SNX13: variants seen among roughly 807,000 people sequenced by gnomAD.
SNX13 encodes sorting nexin 13, also known as sorting nexin-13.
Under a neutral mutation model 133.6 loss-of-function variants are expected in SNX13, and 45 were observed. The observed-to-expected ratio is 0.34, with a 90% CI of 0.27 to 0.43. The LOEUF (loss-of-function observed/expected upper bound fraction) is 0.43, where lower values mean the gene tolerates loss of function less well. Ranked by LOEUF, SNX13 falls within the 20% of genes least tolerant of loss-of-function variation. SNX13 has a pLI of 1.00. For missense variants in SNX13, 1,032 were observed against 1,145.1 expected, an observed-to-expected ratio of 0.90 and a Z score of 1.43; for synonymous variants, 414 against 373.9, an observed-to-expected ratio of 1.11 and a Z score of -1.24.
intron 1 of SNX13, among the ~76,000 whole-genome samples, chr7:17,906,453 A>C (rs144958862): frequency 1.3e-5 from 2 of 152,240 alleles, no homozygotes; most frequent in African/African-American, 4.8e-5. Flanking sequence ...CAATTTAAAA[A>C]AACCATTTGA....
chr7:17,816,930 T>C (rs1398633829), intron 18 of SNX13, among the ~76,000 whole-genome samples: 1 of 152,204 alleles, frequency 6.6e-6, no homozygotes, highest in Non-Finnish European at 1.5e-5. Context: ...TTTTAAAAAA[T>C]ATTTTCCTTA....
chr7:17,831,647 A>G (rs1788502494), intron 15 of SNX13: 1 of 984,196 alleles, frequency 1.0e-6, no homozygotes, highest in Admixed American at 6.2e-5. Context: ...ACTACTTTAA[A>G]AAAATCAGCT....
At chr7:17,825,988 T>C in intron 17 of SNX13, 34 bp downstream of exon 17, 1 of 1,373,542 alleles carries the variant, frequency 7.3e-7, no homozygotes, top group Non-Finnish European at 9.8e-7. Context: ...AATACATAGT[T>C]TTAATGCAAT....
chr7:17,867,400 A>G (rs908643676), intron 9 of SNX13, among the ~76,000 whole-genome samples: 1 of 152,160 alleles, frequency 6.6e-6, no homozygotes, highest in Non-Finnish European at 1.5e-5. Flanking sequence ...TGAGCTCAGG[A>G]GTTCATGACT....
intron 1 of SNX13, among the ~76,000 whole-genome samples, chr7:17,918,526 A>C (rs898239347): frequency 3.3e-5 from 5 of 152,180 alleles, no homozygotes; most frequent in African/African-American, 1.2e-4. Flanking sequence ...TAAAATGCTT[A>C]TGACTAATCA....
At chr7:17,878,873 C>T (rs560860731) in intron 5 of SNX13, among the ~76,000 whole-genome samples, 154 of 152,282 alleles carry the variant, frequency 1.0e-3, no homozygotes, top group Non-Finnish European at 1.9e-3. Flanking sequence ...CTTTTACTCT[C>T]AGTGCCTCTG....
intron 9 of SNX13, among the ~76,000 whole-genome samples, chr7:17,867,195 A>G (rs543792738): frequency 1.4e-4 from 22 of 152,310 alleles, no homozygotes; most frequent in African/African-American, 4.3e-4. Flanking sequence ...TCACAGAGGA[A>G]AAGAAGAATC....
intron 11 of SNX13, among the ~76,000 whole-genome samples, chr7:17,848,793 G>C (rs1020236588): frequency 1.1e-4 from 16 of 152,222 alleles, no homozygotes; most frequent in Non-Finnish European, 1.5e-4. Context: ...ACCACAAAGA[G>C]TTGAGAACAG....
intron 24 of SNX13, among the ~76,000 whole-genome samples, chr7:17,797,791 G>C (rs2128283581): frequency 6.6e-6 from 1 of 151,916 alleles, no homozygotes; most frequent in South Asian, 2.1e-4. Flanking sequence ...GAACATGCCA[G>C]GGCAGCTAGT....
chr7:17,795,813 C>T (rs1215479042), intron 25 of SNX13: 1 of 151,650 alleles, frequency 6.6e-6, no homozygotes, highest in African/African-American at 2.4e-5. Context: ...AAATAATATC[C>T]TAAGCAATTG....
In SNX13 at chr7:17,832,071, A is replaced by G. The variant is rs147245107; in HGVS notation, c.1597+1981T>C. On this transcript the variant is annotated intron_variant, in intron 15 of 25. Coordinates refer to ENST00000428135, the MANE Select transcript of SNX13 (RefSeq NM_015132.5). ...ATGTCCTAGAAAGACAATAAGATAC[A>G]TAAGTATATAATCTCAAACTACAAT... is the stretch of plus-strand genomic sequence containing the variant. 2.8e-4 allele frequency: 272 copies of G among 982,734 alleles called. 1 individual carries two copies. In the African/African-American group the frequency reaches 3.9e-3, roughly 14 times the overall value. The allele number at this position is 982,734 out of a possible 1,614,324, so 60.9% of individuals were successfully genotyped here. A position where few individuals can be genotyped will look rare whatever the true frequency, so the allele number is the denominator to read the frequency against.
chr7:17,916,403 CG>C (rs1463244070), intron 1 of SNX13, among the ~76,000 whole-genome samples: 2 of 152,016 alleles, frequency 1.3e-5, no homozygotes, highest in African/African-American at 2.4e-5. Flanking sequence ...ATAAGACTGA[CG>C]GATCATTAGC....
chr7:17,838,348 T>C (rs1789400528), intron 13 of SNX13, among the ~76,000 whole-genome samples: 1 of 151,960 alleles, frequency 6.6e-6, no homozygotes, highest in Non-Finnish European at 1.5e-5. Flanking sequence ...TTTATGAATT[T>C]GGTTATCTGT....
chr7:17,884,636 C>T (rs948991806), intron 5 of SNX13, among the ~76,000 whole-genome samples: 2 of 152,186 alleles, frequency 1.3e-5, no homozygotes, highest in South Asian at 2.1e-4. Context: ...TTAATATGCT[C>T]CCATTGGGTC....
At position 17,875,563 on chromosome 7, in the gene SNX13, A is replaced by G. The variant is rs1316231790; in HGVS notation, c.581T>C (p.Val194Ala). ...DQVKGTAEDL[V>A]DTFFEVEVEM... ...AACTTCAACTTCAAAGAAGGTATCT[A>G]CAAGATCTTCTGCTGTACCTAAAGA... The change falls in exon 7 of 26, where the codon GTA (valine) becomes GCA (alanine). Residue 194 changes from valine (V) to alanine (A), a missense_variant. By Grantham distance (64) the Val-to-Ala change is moderately conservative. Coordinates refer to ENST00000428135, the MANE Select transcript of SNX13 (RefSeq NM_015132.5). 1 of 1,611,854 alleles carries G rather than the reference A, an allele frequency of 6.2e-7. No individual in the cohort carries two copies. Among genetic ancestry groups the G allele is most frequent in the African/African-American group, 1.3e-5 (1 of 74,152 alleles).
At chr7:17,939,783 A>G (rs1802576699) in intron 1 of SNX13, among the ~76,000 whole-genome samples, 1 of 152,142 alleles carries the variant, frequency 6.6e-6, no homozygotes, top group Admixed American at 6.5e-5. Flanking sequence ...AAAAAAGTCC[A>G]CTTCATGAAG....
intron 5 of SNX13, among the ~76,000 whole-genome samples, chr7:17,883,954 T>A (rs1271092798): frequency 6.6e-6 from 1 of 152,174 alleles, no homozygotes; most frequent in Non-Finnish European, 1.5e-5. Flanking sequence ...TTTATTTGCA[T>A]TTTGTCCGTA....
At chr7:17,866,677 G>C (rs994552471) in intron 9 of SNX13, among the ~76,000 whole-genome samples, 2 of 152,150 alleles carry the variant, frequency 1.3e-5, no homozygotes, top group Non-Finnish European at 2.9e-5. Context: ...TGAACTCATG[G>C]AGATACAGTG....
chr7:17,902,061 T>C (rs896881243), intron 1 of SNX13, among the ~76,000 whole-genome samples: 4 of 152,208 alleles, frequency 2.6e-5, no homozygotes, highest in Non-Finnish European at 4.4e-5. Context: ...CAAGGGGAAA[T>C]ACTTGATTTT....
Sources: allele counts gnomAD v4.1 joint callset (sites outside exome capture counted in the v4.1 genomes callset), GRCh38; gene constraint gnomAD v4.1.1; transcripts MANE v1.5; gene names NCBI Gene and HGNC (gene_info 2026-07-23, HGNC 2026-07-21).